The following TMC1 variants were observed in gnomAD, a reference collection of about 807,000 sequenced individuals.
The protein encoded by TMC1 is transmembrane channel like 1, also known as transmembrane channel-like protein 1.
In TMC1, 84 loss-of-function variants were observed where a neutral mutation model predicts 105.8. That is an observed-to-expected ratio of 0.79 (90% CI 0.67 to 0.95). The LOEUF is 0.95. Ranked by LOEUF, TMC1 falls within the 40% of genes least tolerant of loss-of-function variation. The probability of loss-of-function intolerance (pLI) is 0.00; values close to 1 mark genes in which losing one functional copy is unlikely to be tolerated. For missense variants in TMC1, 817 were observed against 914.1 expected (o/e 0.89, Z 1.37); for synonymous variants, 315 against 311.5 (o/e 1.01, Z -0.12).
In TMC1 at chr9:72,707,604, A is replaced by G. The variant is rs148854621; in HGVS notation, c.362+6961A>G. Among the ~76,000 whole-genome samples the G allele has an allele frequency of 4.5e-3, 676 of 151,572 alleles. 4 individuals carry two copies. Among genetic ancestry groups the G allele is most frequent in the African/African-American group, 0.016 (648 of 41,318 alleles). ...TGACCTTAGCCCACTTTTTGATAGG[A>G]CTGTTTGTATTTTTCTTGCTAATTT... On this transcript the variant is annotated intron_variant, in intron 8 of 23. Coordinates refer to ENST00000297784, the MANE Select transcript of TMC1 (RefSeq NM_138691.3).
chr9:72,692,071 T>C (rs553419785), intron 6 of TMC1, among the ~76,000 whole-genome samples: 2 of 152,298 alleles, frequency 1.3e-5, no homozygotes, highest in South Asian at 4.1e-4. Context: ...GGTGCAGATT[T>C]GGTGTTTATC....
intron 2 of TMC1, among the ~76,000 whole-genome samples, chr9:72,580,622 G>A (rs115791338): frequency 0.042 from 6,350 of 152,192 alleles, 213 homozygotes; most frequent in Middle Eastern, 0.099. Context: ...CACATACACA[G>A]AGTTAAGTTT....
intron 10 of TMC1, among the ~76,000 whole-genome samples, chr9:72,743,837 G>A (rs765593591): frequency 6.6e-6 from 1 of 152,048 alleles, no homozygotes; most frequent in Non-Finnish European, 1.5e-5. Flanking sequence ...ATAGTAAATT[G>A]TTTTTTAAAA....
At chr9:72,540,911 C>G (rs959885353) in intron 1 of TMC1, among the ~76,000 whole-genome samples, 2 of 152,208 alleles carry the variant, frequency 1.3e-5, no homozygotes, top group Admixed American at 1.3e-4. Context: ...TGTTGTGAAG[C>G]TTCAGTGAGT....
At chr9:72,558,008 A>T (rs1462498575) in intron 1 of TMC1, among the ~76,000 whole-genome samples, 1 of 152,204 alleles carries the variant, frequency 6.6e-6, no homozygotes, top group Non-Finnish European at 1.5e-5. Flanking sequence ...ATCAGAGTAT[A>T]TTCACAGAAA....
At position 72,694,565 on chromosome 9, in the gene TMC1, A is replaced by G. The variant is rs770793343; in HGVS notation, c.87A>G (p.Glu29=). Reference sequence around the variant, plus strand: ...TAGGTGAAGAGGAAGAGGAGGTGGAAGATAAGCTACCTCGAAGAGAGAGCT... The same window carrying G: ...TAGGTGAAGAGGAAGAGGAGGTGGAGGATAAGCTACCTCGAAGAGAGAGCT... The part of the protein sequence containing the change: ...ESSSEEEEEV[E]DKLPRRESLR... Residue 29 remains glutamate (E), a synonymous_variant, in exon 7 of 24, where the codon GAA becomes GAG. Coordinates refer to ENST00000297784, the MANE Select transcript of TMC1 (RefSeq NM_138691.3). 4 of 1,612,688 alleles carry G rather than the reference A, an allele frequency of 2.5e-6. No homozygotes were observed. The highest frequency in any genetic ancestry group is 2.7e-5 in the African/African-American group (2 of 74,864).
chr9:72,718,418 C>T (rs1826960118), intron 8 of TMC1, among the ~76,000 whole-genome samples: 1 of 152,178 alleles, frequency 6.6e-6, no homozygotes, highest in South Asian at 2.1e-4. Context: ...GTACTCTCCC[C>T]CTTTTCTTAG....
intron 12 of TMC1, among the ~76,000 whole-genome samples, chr9:72,766,575 G>A (rs966307160): frequency 8.5e-5 from 13 of 152,118 alleles, no homozygotes; most frequent in Admixed American, 5.9e-4. Flanking sequence ...AGTGGAAGTG[G>A]GGCAGCAGCC....
At chr9:72,827,020 A>T in intron 21 of TMC1, 26 bp downstream of exon 21, 1 of 1,613,768 alleles carries the variant, frequency 6.2e-7, no homozygotes, top group African/African-American at 1.3e-5. Flanking sequence ...CCTCATAGAA[A>T]GAGCCTCTGT....
chr9:72,827,613 G>T (rs1828976740), intron 21 of TMC1, among the ~76,000 whole-genome samples: 1 of 152,182 alleles, frequency 6.6e-6, no homozygotes, highest in Admixed American at 6.5e-5. Flanking sequence ...GATGACTTTT[G>T]TTTTCACATA....
intron 5 of TMC1, among the ~76,000 whole-genome samples, chr9:72,675,582 C>G (rs192725195): frequency 2.0e-5 from 3 of 152,218 alleles, no homozygotes; most frequent in Admixed American, 2.0e-4. Context: ...AGATCTCAAA[C>G]CATTGTCCTT....
chr9:72,525,750 G>C (rs914272499), intron 1 of TMC1, among the ~76,000 whole-genome samples: 8 of 152,350 alleles, frequency 5.3e-5, no homozygotes, highest in Admixed American at 4.6e-4. Flanking sequence ...CACTTTGGGA[G>C]GCCCAGGCGG....
chr9:72,820,204 T>C (rs879528037), intron 19 of TMC1, among the ~76,000 whole-genome samples: 3 of 152,208 alleles, frequency 2.0e-5, no homozygotes, highest in Non-Finnish European at 4.4e-5. Context: ...AAACACATCA[T>C]TGCAATTGGC....
chr9:72,713,957 G>T (rs988807010), intron 8 of TMC1, among the ~76,000 whole-genome samples: 2 of 151,878 alleles, frequency 1.3e-5, no homozygotes, highest in African/African-American at 4.8e-5. Flanking sequence ...CAGAGATTCT[G>T]GTACATTGTT....
chr9:72,607,586 A>G (rs547442984), intron 2 of TMC1, among the ~76,000 whole-genome samples: 69 of 149,494 alleles, frequency 4.6e-4, no homozygotes, highest in African/African-American at 1.7e-3. Flanking sequence ...ACTGCACTTC[A>G]GCCTGGGCGA....
rs538748612 is a variant in TMC1 at position 72,741,120 on chromosome 9, T to G, written c.453+911T>G. The G allele has an allele frequency of 5.7e-3, 905 of 159,266 alleles. 4 individuals are homozygous for G. The highest frequency in any genetic ancestry group is 9.7e-3 in the African/African-American group (406 of 41,650). The allele number at this position is 159,266 out of a possible 1,614,324, so 9.9% of individuals were successfully genotyped here. On this transcript the variant is annotated intron_variant, in intron 9 of 23. Transcript: ENST00000297784. ...CTAGTTATGAGTAATCTTTTTTTTTTTTGTTCATTTTTAAAATTAACTCAT... is the reference window on the plus strand; with the variant it reads ...CTAGTTATGAGTAATCTTTTTTTTTGTTGTTCATTTTTAAAATTAACTCAT...
chr9:72,628,964 T>A (rs184157608), intron 4 of TMC1, among the ~76,000 whole-genome samples: 23 of 152,338 alleles, frequency 1.5e-4, no homozygotes, highest in East Asian at 1.3e-3. Context: ...CAGTTTTTTT[T>A]AAATGTGTTA....
intron 13 of TMC1, among the ~76,000 whole-genome samples, chr9:72,784,854 C>T (rs1258235810): frequency 6.6e-6 from 1 of 152,176 alleles, no homozygotes; most frequent in Admixed American, 6.5e-5. Flanking sequence ...AACCAAATAA[C>T]CTCATATTCT....
intron 4 of TMC1, among the ~76,000 whole-genome samples, chr9:72,636,761 A>G (rs1284773956): frequency 6.7e-6 from 1 of 150,362 alleles, no homozygotes; most frequent in Non-Finnish European, 1.5e-5. Flanking sequence ...AATCTATGGT[A>G]TGTATTAGCA....
Sources: gnomAD v4.1 joint callset for allele counts (sites outside exome capture counted in the v4.1 genomes callset) on GRCh38, gnomAD v4.1.1 for gene constraint, MANE v1.5 for transcripts, NCBI Gene and HGNC (gene_info 2026-07-23, HGNC 2026-07-21) for gene names.